The following AP2B1 variants were observed in gnomAD, a reference collection of about 807,000 sequenced individuals.
AP2B1 encodes the protein adaptor related protein complex 2 subunit beta 1.
A neutral mutation model predicts 102.0 loss-of-function variants in AP2B1; 23 were observed. That is an observed-to-expected ratio of 0.23 (90% CI 0.16 to 0.32). The LOEUF is 0.32. Among genes scored for constraint, AP2B1 ranks in the 10% least tolerant of loss-of-function variants. AP2B1 has a pLI of 1.00. For missense variants in AP2B1, 541 were observed against 1,157.4 expected (o/e 0.47, Z 7.73); for synonymous variants, 381 against 421.2 (o/e 0.90, Z 1.17).
intron 18 of AP2B1, among the ~76,000 whole-genome samples, chr17:35,704,056 T>C (rs1038372855): frequency 1.4e-4 from 21 of 152,200 alleles, no homozygotes; most frequent in African/African-American, 5.1e-4. Context: ...AAACTGTCTT[T>C]CTCTTTTCCT....
intron 1 of AP2B1, chr17:35,587,807 GA>G (rs2072945290): frequency 1.3e-5 from 2 of 152,380 alleles, no homozygotes; most frequent in Admixed American, 6.5e-5. Context: ...GAGAGGCTGA[GA>G]CGTGTCCAGC....
chr17:35,650,414 T>C (rs888173621), intron 12 of AP2B1, 116 bp from the exon 13 acceptor site: 7 of 1,259,472 alleles, frequency 5.6e-6, no homozygotes, highest in Non-Finnish European at 7.8e-6. Flanking sequence ...AAGTATCTTC[T>C]TAATACCCAG....
chr17:35,659,730 T>A (rs1477864218), intron 14 of AP2B1: 1 of 870,024 alleles, frequency 1.1e-6, no homozygotes. Context: ...ATTTCCTGAC[T>A]TTGGGATCTA....
chr17:35,698,931 A>T (rs114287081), intron 18 of AP2B1, among the ~76,000 whole-genome samples: 25 of 152,344 alleles, frequency 1.6e-4, no homozygotes, highest in African/African-American at 5.8e-4. Flanking sequence ...TTTTAAAGCA[A>T]TGTCTATTCA....
At chr17:35,602,581 C>T (rs2073525646) in intron 3 of AP2B1, among the ~76,000 whole-genome samples, 1 of 152,124 alleles carries the variant, frequency 6.6e-6, no homozygotes, top group Non-Finnish European at 1.5e-5. Flanking sequence ...TTATTTGACC[C>T]AGTATATCTA....
At chr17:35,616,142 CTTTTTTTTTTTTTTTTTTTTTTTTTT>C (rs71152739) in intron 5 of AP2B1, among the ~76,000 whole-genome samples, 1 of 57,436 alleles carries the variant, frequency 1.7e-5, no homozygotes, top group Non-Finnish European at 3.0e-5. Context: ...AAAAATATCT[CTTTTTTTTTTTTTTTTTTTTTTTTTT>C]TTTTTTTTTT....
intron 4 of AP2B1, 147 bp downstream of exon 4, chr17:35,605,987 A>C (rs225284): frequency 0.49 from 644,407 of 1,321,030 alleles, 159,154 homozygotes; most frequent in East Asian, 0.51. Context: ...TCATCCAGGG[A>C]AATTCAAACC....
intron 18 of AP2B1, among the ~76,000 whole-genome samples, chr17:35,694,822 G>A (rs1158463979): frequency 1.3e-5 from 2 of 152,206 alleles, no homozygotes; most frequent in African/African-American, 4.8e-5. Flanking sequence ...GGCGGAGGTT[G>A]CAGTGAGCCG....
intron 18 of AP2B1, among the ~76,000 whole-genome samples, chr17:35,703,636 A>G (rs2076283033): frequency 6.6e-6 from 1 of 152,144 alleles, no homozygotes; most frequent in South Asian, 2.1e-4. Context: ...CGATGAGAAC[A>G]CATGGACACA....
In AP2B1 at chr17:35,726,281, G is replaced by T. The variant is rs1027368781; in HGVS notation, c.*2582G>T. On this transcript the variant is annotated 3_prime_UTR_variant, in exon 22 of 22. Transcript: ENST00000610402. ...GAGACTCTGGAAAGAAATGGGGAGG[G>T]GGGGCAGGGGAAATGTTGCCCTAAG... is the stretch of plus-strand genomic sequence containing the variant. 2 of 151,752 alleles carry T rather than the reference G, an allele frequency of 1.3e-5. No homozygotes were observed. The highest frequency in any genetic ancestry group is 4.8e-5 in the African/African-American group (2 of 41,284). 9.4% of individuals were successfully genotyped at this position (151,752 alleles called of 1,614,324 possible). A position where few individuals can be genotyped will look rare whatever the true frequency, so the allele number is the denominator to read the frequency against.
chr17:35,650,836 G>C (rs1333678664), intron 13 of AP2B1, 47 bp downstream of exon 13: 1 of 1,590,838 alleles, frequency 6.3e-7, no homozygotes, highest in South Asian at 1.1e-5. Context: ...CTCTTGTTTA[G>C]ACAGCGTTGC....
chr17:35,717,149 T>G, intron 20 of AP2B1, 46 bp from the exon 21 acceptor site: 5 of 1,600,064 alleles, frequency 3.1e-6, no homozygotes, highest in Non-Finnish European at 4.3e-6. Flanking sequence ...GTACATTTGT[T>G]TGAGATTTTA....
At chr17:35,603,494 A>C (rs539403626) in intron 3 of AP2B1, among the ~76,000 whole-genome samples, 1 of 152,314 alleles carries the variant, frequency 6.6e-6, no homozygotes, top group East Asian at 1.9e-4. Flanking sequence ...AACTTAGGAA[A>C]GGTATAAACT....
chr17:35,679,490 A>G (rs1315835478), intron 17 of AP2B1, among the ~76,000 whole-genome samples: 1 of 151,644 alleles, frequency 6.6e-6, no homozygotes, highest in East Asian at 1.9e-4. Flanking sequence ...ATTTGTGGTC[A>G]GTCTCTAAGA....
intron 3 of AP2B1, chr17:35,600,964 T>C: frequency 1.0e-6 from 1 of 983,472 alleles, no homozygotes; most frequent in Middle Eastern, 5.2e-4. Context: ...TGAATTTTTG[T>C]TATTTTTCTT....
chr17:35,614,578 ACT>A (rs2073958938), intron 5 of AP2B1, among the ~76,000 whole-genome samples: 1 of 141,954 alleles, frequency 7.0e-6, no homozygotes, highest in Non-Finnish European at 1.5e-5. Context: ...ACTGTCTATC[ACT>A]CTCACAGCTG....
At chr17:35,655,351 C>G (rs1374901377) in intron 13 of AP2B1, among the ~76,000 whole-genome samples, 3 of 152,142 alleles carry the variant, frequency 2.0e-5, no homozygotes, top group African/African-American at 7.2e-5. Context: ...TGTGCACACT[C>G]CAGAGATTAC....
chr17:35,614,655 TA>T (rs3031833), intron 5 of AP2B1, among the ~76,000 whole-genome samples: 45 of 93,160 alleles, frequency 4.8e-4, no homozygotes, highest in Admixed American at 6.4e-4. Flanking sequence ...GTTGAATTAG[TA>T]AAAAAAAAAA....
chr17:35,723,736 C>T lies in AP2B1; in HGVS notation c.*37C>T, dbSNP rs375247774. Reference sequence around the variant, plus strand: ...CAGTACCCTTCAACCATGCTGTGATCGGTGCAAGTCAAGAACTCTTAACTG... The same window carrying T: ...CAGTACCCTTCAACCATGCTGTGATTGGTGCAAGTCAAGAACTCTTAACTG... On this transcript the variant is annotated 3_prime_UTR_variant, in exon 22 of 22. Transcript: ENST00000610402. 7.7e-5 allele frequency: 110 copies of T among 1,436,096 alleles called. No homozygotes were observed. The highest frequency in any genetic ancestry group is 9.6e-5 in the Non-Finnish European group (98 of 1,019,726). 89.0% of individuals were successfully genotyped at this position (1,436,096 alleles called of 1,614,324 possible).
Sources: gnomAD v4.1 joint callset for allele counts (sites outside exome capture counted in the v4.1 genomes callset) on GRCh38, gnomAD v4.1.1 for gene constraint, MANE v1.5 for transcripts, NCBI Gene and HGNC (gene_info 2026-07-23, HGNC 2026-07-21) for gene names.